The following TFEC variants were observed in gnomAD, a reference collection of about 807,000 sequenced individuals.
TFEC encodes the protein transcription factor EC.
In TFEC, 31 loss-of-function variants were observed where a neutral mutation model predicts 41.6. The ratio of observed to expected loss-of-function variants is 0.74; its 90% CI spans 0.56 to 1.01. The LOEUF (loss-of-function observed/expected upper bound fraction) is 1.01. TFEC is among the 50% of genes least tolerant of loss of function. The pLI is 0.00. For synonymous variants in TFEC, 143 were observed against 140.6 expected (o/e 1.02, Z -0.12); for missense variants, 402 against 404.1 (o/e 0.99, Z 0.04).
At chr7:115,988,136 T>C (rs895466476) in intron 1 of TFEC, among the ~76,000 whole-genome samples, 13 of 152,272 alleles carry the variant, frequency 8.5e-5, no homozygotes, top group African/African-American at 3.1e-4. Context: ...TATTTATAAG[T>C]TTCTTTTACA....
intron 3 of TFEC, among the ~76,000 whole-genome samples, chr7:116,084,044 T>C (rs1300015805): frequency 6.6e-6 from 1 of 151,894 alleles, no homozygotes; most frequent in African/African-American, 2.4e-5. Context: ...TTTGTCTTGA[T>C]CCCCTCTGTT....
intron 1 of TFEC, among the ~76,000 whole-genome samples, chr7:116,155,577 AAAG>A (rs1798853726): frequency 1.3e-5 from 2 of 152,086 alleles, no homozygotes; most frequent in African/African-American, 2.4e-5. Flanking sequence ...CAGGAAAAAA[AAAG>A]AAAGAAAGAA....
intron 1 of TFEC, among the ~76,000 whole-genome samples, chr7:115,998,527 T>C (rs1794458452): frequency 1.3e-5 from 2 of 151,148 alleles, no homozygotes; most frequent in Non-Finnish European, 3.0e-5. Context: ...CAAAAAAACA[T>C]AGAATGGCTG....
chr7:116,065,206 G>A (rs1796666021), intron 3 of TFEC, among the ~76,000 whole-genome samples: 1 of 152,116 alleles, frequency 6.6e-6, no homozygotes, highest in Non-Finnish European at 1.5e-5. Context: ...ATTTTACAAT[G>A]CAGCTAACAG....
chr7:116,052,387 G>T (rs1037873494), intron 3 of TFEC, among the ~76,000 whole-genome samples: 4 of 152,030 alleles, frequency 2.6e-5, no homozygotes, highest in African/African-American at 4.8e-5. Flanking sequence ...CAAATAACAG[G>T]CAGAAAAAGA....
intron 1 of TFEC, among the ~76,000 whole-genome samples, chr7:115,985,625 A>G (rs1793817864): frequency 6.6e-6 from 1 of 152,110 alleles, no homozygotes; most frequent in African/African-American, 2.4e-5. Context: ...TTTGGGGTAC[A>G]ATATTGTAGT....
At chr7:116,151,497 C>T (rs1485739508) in intron 1 of TFEC, among the ~76,000 whole-genome samples, 1 of 152,082 alleles carries the variant, frequency 6.6e-6, no homozygotes, top group Non-Finnish European at 1.5e-5. Context: ...CCCACCTCGG[C>T]CTCCCAAAGT....
At chr7:116,110,197 C>T (rs537837870) in intron 3 of TFEC, among the ~76,000 whole-genome samples, 2 of 152,300 alleles carry the variant, frequency 1.3e-5, no homozygotes, top group East Asian at 3.9e-4. Context: ...GCACATTGTG[C>T]ACATGTACCC....
At chr7:116,109,712 A>G (rs1584527961) in intron 3 of TFEC, among the ~76,000 whole-genome samples, 1 of 152,348 alleles carries the variant, frequency 6.6e-6, no homozygotes, top group African/African-American at 2.4e-5. Flanking sequence ...TGGCCCAGCC[A>G]TCCCATTACT....
intron 3 of TFEC, among the ~76,000 whole-genome samples, chr7:116,079,498 TC>T (rs1358349328): frequency 6.6e-6 from 1 of 152,006 alleles, no homozygotes; most frequent in African/African-American, 2.4e-5. Flanking sequence ...GATACAAAAC[TC>T]ATGTACACAA....
chr7:116,144,871 T>C (rs1424045411), intron 1 of TFEC, among the ~76,000 whole-genome samples: 1 of 152,152 alleles, frequency 6.6e-6, no homozygotes, highest in African/African-American at 2.4e-5. Context: ...ACATCAGTTC[T>C]TACCTGAATC....
intron 3 of TFEC, among the ~76,000 whole-genome samples, chr7:116,057,535 A>T (rs1490733405): frequency 6.6e-6 from 1 of 151,976 alleles, no homozygotes; most frequent in African/African-American, 2.4e-5. Flanking sequence ...AGTTTTAGAC[A>T]GACAGATATA....
chr7:116,068,324 T>C (rs1796743442), intron 3 of TFEC, among the ~76,000 whole-genome samples: 1 of 151,940 alleles, frequency 6.6e-6, no homozygotes, highest in African/African-American at 2.4e-5. Flanking sequence ...CTAAAATTGT[T>C]TGATTAAGTA....
rs1160114562 is a variant in TFEC at position 115,944,013 on chromosome 7, ATTTTTTTTTTTTTTTT to A, written c.516-1989_516-1974del. 5.3e-4 allele frequency among the ~76,000 whole-genome samples: 12 copies of A among 22,840 alleles called. 1 individual carries two copies. The South Asian group carries it at 0.021, about 39-fold the overall frequency. 15.0% of individuals were successfully genotyped at this position (22,840 alleles called of 152,430 possible). A position where few individuals can be genotyped will look rare whatever the true frequency, so the allele number is the denominator to read the frequency against. On this transcript the variant is annotated intron_variant, in intron 6 of 7. Transcript: ENST00000265440. ...GAAAATAATACTATGACAGGTCTGA[ATTTTTTTTTTTTTTTT>A]TTTTTTTTTTTGCTTCAACATTTTG... is the stretch of plus-strand genomic sequence containing the variant.
At chr7:116,122,932 C>G (rs190382638) in intron 1 of TFEC, among the ~76,000 whole-genome samples, 1,630 of 152,154 alleles carry the variant, frequency 0.011, 16 homozygotes, top group Non-Finnish European at 0.017. Context: ...TAGAGCAGTG[C>G]CCAGGGTTGG....
intron 3 of TFEC, among the ~76,000 whole-genome samples, chr7:116,071,089 A>G (rs1562959014): frequency 1.3e-5 from 2 of 151,428 alleles, no homozygotes; most frequent in Non-Finnish European, 3.0e-5. Flanking sequence ...AAGCTATTTT[A>G]TTTGGTTATT....
chr7:116,159,258 T>C (rs1243701500), intron 1 of TFEC, among the ~76,000 whole-genome samples: 2 of 151,934 alleles, frequency 1.3e-5, no homozygotes, highest in Non-Finnish European at 2.9e-5. Flanking sequence ...TATAGAATTT[T>C]CAAATTTTCA....
chr7:115,940,737 C>A lies in TFEC; in HGVS notation c.858G>T (p.Leu286Phe), dbSNP rs771496820. 2.5e-6 allele frequency: 4 copies of A among 1,613,482 alleles called. No homozygotes were observed. The South Asian group carries it at 4.4e-5, about 18-fold the overall frequency. ...CDQAIAFSDP[L>F]SYFTDLSFSA... ...TAAATGATAAATCTGTGAAGTATGACAAAGGATCAGAAAAGGCTATAGCTT... is the reference window on the plus strand; with the variant it reads ...TAAATGATAAATCTGTGAAGTATGAAAAAGGATCAGAAAAGGCTATAGCTT... Residue 286 changes from leucine (L) to phenylalanine (F), a missense_variant, in exon 8 of 8, where the codon TTG becomes TTT. Physicochemically the swap from Leu to Phe is conservative, Grantham distance 22 (BLOSUM62 0). Coordinates refer to ENST00000265440, the MANE Select transcript of TFEC (RefSeq NM_012252.4).
chr7:116,138,385 T>C (rs1275025598), intron 1 of TFEC, among the ~76,000 whole-genome samples: 1 of 152,178 alleles, frequency 6.6e-6, no homozygotes, highest in African/African-American at 2.4e-5. Flanking sequence ...TTTTGTCCAC[T>C]AGATGTCCCC....
Sources: allele counts gnomAD v4.1 joint callset (sites outside exome capture counted in the v4.1 genomes callset), GRCh38; gene constraint gnomAD v4.1.1; transcripts MANE v1.5; gene names NCBI Gene and HGNC (gene_info 2026-07-23, HGNC 2026-07-21).